ZCWPW2: variants seen among roughly 807,000 people sequenced by gnomAD.
ZCWPW2 encodes zinc finger CW-type PWWP domain protein 2.
A neutral mutation model predicts 46.6 loss-of-function variants in ZCWPW2; 45 were observed. That is an observed-to-expected ratio of 0.96 (90% CI 0.76 to 1.24). The LOEUF is 1.24. Ranked by LOEUF, ZCWPW2 falls within the 50% of genes most tolerant of loss-of-function variation. ZCWPW2 has a pLI of 0.00. For missense variants in ZCWPW2, 429 were observed against 403.9 expected (o/e 1.06, Z -0.53); for synonymous variants, 152 against 137.1 (o/e 1.11, Z -0.76).
At chr3:28,395,559 T>C (rs923962657) in intron 2 of ZCWPW2, among the ~76,000 whole-genome samples, 1 of 152,106 alleles carries the variant, frequency 6.6e-6, no homozygotes, top group Non-Finnish European at 1.5e-5. Flanking sequence ...TTACATACAA[T>C]GGAATATTAT....
intron 1 of ZCWPW2, among the ~76,000 whole-genome samples, chr3:28,357,944 G>C (rs993971158): frequency 7.3e-5 from 11 of 151,382 alleles, no homozygotes; most frequent in African/African-American, 2.7e-4. Context: ...ACTTTGAATT[G>C]CCTATGAATC....
At chr3:28,412,544 C>T (rs1696441532) in intron 2 of ZCWPW2, among the ~76,000 whole-genome samples, 1 of 151,972 alleles carries the variant, frequency 6.6e-6, no homozygotes, top group Non-Finnish European at 1.5e-5. Flanking sequence ...CATTTAAATT[C>T]CAGCTCTACT....
chr3:28,461,497 A>T (rs1698634200), intron 4 of ZCWPW2: 1 of 152,134 alleles, frequency 6.6e-6, no homozygotes, highest in Non-Finnish European at 1.5e-5. Flanking sequence ...ATACCAGGTG[A>T]TCATTATGTT....
intron 5 of ZCWPW2, among the ~76,000 whole-genome samples, chr3:28,485,481 G>A (rs1699569286): frequency 6.6e-6 from 1 of 152,026 alleles, no homozygotes; most frequent in African/African-American, 2.4e-5. Flanking sequence ...TCTGATAGAG[G>A]GCTGTTGAAG....
intron 5 of ZCWPW2, among the ~76,000 whole-genome samples, chr3:28,490,469 C>T: frequency 6.6e-6 from 1 of 152,084 alleles, no homozygotes; most frequent in East Asian, 1.9e-4. Context: ...TACATATTCA[C>T]TATGGAATAC....
chr3:28,460,252 CTTTT>C (rs75406240), intron 4 of ZCWPW2, among the ~76,000 whole-genome samples: 2 of 125,424 alleles, frequency 1.6e-5, no homozygotes, highest in Non-Finnish European at 1.7e-5. Flanking sequence ...CAGAGCTAGA[CTTTT>C]TTTTTTTTTT....
chr3:28,349,783 G>A (rs1704465297), intron 1 of ZCWPW2, among the ~76,000 whole-genome samples: 1 of 152,156 alleles, frequency 6.6e-6, no homozygotes, highest in Admixed American at 6.5e-5. Context: ...CCGCCGATTA[G>A]CAATACGGAC....
At chr3:28,387,280 T>C (rs892103521) in intron 1 of ZCWPW2, among the ~76,000 whole-genome samples, 8 of 152,198 alleles carry the variant, frequency 5.3e-5, no homozygotes, top group Admixed American at 1.3e-4. Context: ...TTCTTCTCTT[T>C]GTTCCCATCT....
intron 1 of ZCWPW2, among the ~76,000 whole-genome samples, chr3:28,362,562 G>C (rs968079903): frequency 6.6e-6 from 1 of 152,076 alleles, no homozygotes; most frequent in African/African-American, 2.4e-5. Flanking sequence ...TCACTAAAAG[G>C]TAAAAAAATG....
At chr3:28,372,918 C>T (rs893428690) in intron 1 of ZCWPW2, among the ~76,000 whole-genome samples, 38 of 152,136 alleles carry the variant, frequency 2.5e-4, no homozygotes, top group Admixed American at 2.4e-3. Flanking sequence ...ATAATGGCCT[C>T]CAGTTCCACC....
chr3:28,375,923 T>C (rs56854865), intron 1 of ZCWPW2, among the ~76,000 whole-genome samples: 3,114 of 152,190 alleles, frequency 0.02, 106 homozygotes, highest in African/African-American at 0.062. Flanking sequence ...TTATTTCTCT[T>C]AATAACATAA....
intron 4 of ZCWPW2, chr3:28,448,087 C>A: frequency 4.3e-6 from 1 of 232,546 alleles, no homozygotes; most frequent in Non-Finnish European, 8.6e-6. Flanking sequence ...AAAAATGAAG[C>A]TTTTTTTAAG....
chr3:28,368,332 G>T (rs1190982658), intron 1 of ZCWPW2, among the ~76,000 whole-genome samples: 1 of 152,058 alleles, frequency 6.6e-6, no homozygotes, highest in Admixed American at 6.6e-5. Flanking sequence ...CTCTTGTAGA[G>T]GCCTGCCCTA....
intron 1 of ZCWPW2, among the ~76,000 whole-genome samples, chr3:28,376,254 T>C (rs1705497664): frequency 6.6e-6 from 1 of 152,116 alleles, no homozygotes. Flanking sequence ...CTTATAGATG[T>C]TATTTTAAGG....
At chr3:28,433,222 A>C (rs761978640) in intron 3 of ZCWPW2, among the ~76,000 whole-genome samples, 2 of 152,160 alleles carry the variant, frequency 1.3e-5, no homozygotes, top group Non-Finnish European at 2.9e-5. Flanking sequence ...ATGAGGCTGA[A>C]TATTCCATCT....
At chr3:28,517,294 G>A (rs1258238763) in intron 8 of ZCWPW2, among the ~76,000 whole-genome samples, 1 of 152,154 alleles carries the variant, frequency 6.6e-6, no homozygotes, top group African/African-American at 2.4e-5. Flanking sequence ...AAATACCAAA[G>A]ACTGGGTAAT....
chr3:28,468,986 A>C (rs74339907), intron 4 of ZCWPW2, among the ~76,000 whole-genome samples: 4,178 of 152,252 alleles, frequency 0.027, 175 homozygotes, highest in African/African-American at 0.085. Context: ...AAGATGAACC[A>C]ATCAAAAATA....
chr3:28,398,423 G>A (rs1318509422), intron 2 of ZCWPW2, among the ~76,000 whole-genome samples: 1 of 152,158 alleles, frequency 6.6e-6, no homozygotes, highest in African/African-American at 2.4e-5. Flanking sequence ...TATTTTGGAT[G>A]GTGGACGGGA....
intron 4 of ZCWPW2, among the ~76,000 whole-genome samples, chr3:28,471,042 A>G (rs1187125570): frequency 2.0e-5 from 3 of 152,182 alleles, no homozygotes; most frequent in Admixed American, 1.3e-4. Context: ...ACAACCTACC[A>G]AGATTGCACC....
Sources: allele counts gnomAD v4.1 joint callset (sites outside exome capture counted in the v4.1 genomes callset), GRCh38; gene constraint gnomAD v4.1.1; transcripts MANE v1.5; gene names NCBI Gene and HGNC (gene_info 2026-07-23, HGNC 2026-07-21).